TLK1: variants seen among roughly 807,000 people sequenced by gnomAD.
TLK1 encodes the protein tousled like kinase 1, also known as serine/threonine-protein kinase tousled-like 1.
A neutral mutation model predicts 105.3 loss-of-function variants in TLK1; 24 were observed. That is an observed-to-expected ratio of 0.23 (90% CI 0.17 to 0.32). The LOEUF is 0.32. Among genes scored for constraint, TLK1 ranks in the 10% least tolerant of loss-of-function variants. TLK1 has a pLI of 1.00. For synonymous variants in TLK1, 321 were observed against 310.4 expected (o/e 1.03, Z -0.36); for missense variants, 558 against 910.5 (o/e 0.61, Z 4.98).
chr2:171,023,001 T>C, intron 12 of TLK1: 1 of 466,884 alleles, frequency 2.1e-6, no homozygotes. Flanking sequence ...TCTTGACCTG[T>C]AAAGATTTCA....
chr2:171,063,305 C>A (rs1425504710), intron 3 of TLK1, among the ~76,000 whole-genome samples: 2 of 152,124 alleles, frequency 1.3e-5, no homozygotes, highest in Non-Finnish European at 1.5e-5. Context: ...AAGATCACAC[C>A]ACTGCACTCC....
rs1242607914 is a variant in TLK1, at chr2:171,203,488, CA to C, written c.-6+27656del. Among the ~76,000 whole-genome samples the C allele has an allele frequency of 2.6e-5, 4 of 152,282 alleles. No homozygotes were observed. In the South Asian group the frequency reaches 6.2e-4, roughly 24 times the overall value. ...GGCTTATGTAATGTATCATGTCCTT[CA>C]GATTCATCCGCATTGTAGAATATGT... On this transcript the variant is annotated intron_variant, in intron 1 of 20. Coordinates refer to the TLK1 transcript ENST00000521943.
At chr2:170,995,540 AC>A (rs1264071701) in intron 20 of TLK1, among the ~76,000 whole-genome samples, 1 of 152,122 alleles carries the variant, frequency 6.6e-6, no homozygotes, top group Admixed American at 6.5e-5. Context: ...TCAGTATTAA[AC>A]AAACAGATCA....
At chr2:171,167,994 C>A (rs1322039616) in intron 1 of TLK1, among the ~76,000 whole-genome samples, 1 of 151,762 alleles carries the variant, frequency 6.6e-6, no homozygotes, top group Non-Finnish European at 1.5e-5. Context: ...TCTAGTGTTA[C>A]ACTTTACTTA....
At chr2:171,189,737 G>A (rs149624145) in intron 1 of TLK1, among the ~76,000 whole-genome samples, 7 of 152,262 alleles carry the variant, frequency 4.6e-5, no homozygotes, top group Non-Finnish European at 1.0e-4. Context: ...TCAGCTGGGC[G>A]CCTTCCATCT....
chr2:171,089,284 T>TA (rs1337839429), intron 2 of TLK1, among the ~76,000 whole-genome samples: 1 of 152,246 alleles, frequency 6.6e-6, no homozygotes, highest in Non-Finnish European at 1.5e-5. Context: ...TCAACGTAGT[T>TA]ACATTTATCA....
intron 1 of TLK1, among the ~76,000 whole-genome samples, chr2:171,169,074 T>C (rs1692673212): frequency 6.6e-6 from 1 of 151,008 alleles, no homozygotes; most frequent in Non-Finnish European, 1.5e-5. Context: ...TGAGACCCTT[T>C]CTCAAAAAAA....
intron 3 of TLK1, among the ~76,000 whole-genome samples, chr2:171,069,802 G>C (rs1688171077): frequency 6.6e-6 from 1 of 152,176 alleles, no homozygotes; most frequent in Non-Finnish European, 1.5e-5. Context: ...GTGAATTCTA[G>C]GGTTACAACA....
chr2:171,090,835 ATATT>A (rs1044273595), intron 2 of TLK1, among the ~76,000 whole-genome samples: 1 of 152,226 alleles, frequency 6.6e-6, no homozygotes, highest in African/African-American at 2.4e-5. Flanking sequence ...AAAAAGAACA[ATATT>A]TAAACTAGCA....
At chr2:171,176,642 A>G (rs1692832928) in intron 1 of TLK1, among the ~76,000 whole-genome samples, 1 of 151,842 alleles carries the variant, frequency 6.6e-6, no homozygotes, top group Non-Finnish European at 1.5e-5. Context: ...CATGGCTACC[A>G]CTCTAGGCTA....
intron 11 of TLK1, among the ~76,000 whole-genome samples, chr2:171,043,487 G>A (rs1343488570): frequency 6.6e-6 from 1 of 152,110 alleles, no homozygotes; most frequent in Non-Finnish European, 1.5e-5. Flanking sequence ...TAGGGTTATA[G>A]GGAAGAGAAT....
chr2:171,193,828 T>A (rs1326715533), intron 1 of TLK1, among the ~76,000 whole-genome samples: 1 of 149,098 alleles, frequency 6.7e-6, no homozygotes, highest in African/African-American at 2.5e-5. Flanking sequence ...GCAATTCTCA[T>A]GCCTCAGCCT....
At chr2:171,212,083 T>A (rs1693627492) in intron 1 of TLK1, among the ~76,000 whole-genome samples, 1 of 149,382 alleles carries the variant, frequency 6.7e-6, no homozygotes, top group Non-Finnish European at 1.5e-5. Flanking sequence ...TGACTTCAGG[T>A]GATCCACCTA....
At chr2:171,034,642 G>A (rs1449375166) in intron 11 of TLK1, among the ~76,000 whole-genome samples, 1 of 152,154 alleles carries the variant, frequency 6.6e-6, no homozygotes, top group Non-Finnish European at 1.5e-5. Context: ...TAAGGAAACA[G>A]TTTTGAAACT....
chr2:171,219,418 A>C (rs1421040840), intron 1 of TLK1, among the ~76,000 whole-genome samples: 1 of 152,128 alleles, frequency 6.6e-6, no homozygotes, highest in East Asian at 1.9e-4. Flanking sequence ...AAAATACCAT[A>C]GGCTGGGTGG....
intron 12 of TLK1, among the ~76,000 whole-genome samples, chr2:171,027,387 T>A (rs987270758): frequency 1.3e-5 from 2 of 152,218 alleles, no homozygotes; most frequent in African/African-American, 4.8e-5. Context: ...TATTACTACT[T>A]CTCTGAAATC....
chr2:171,045,022 AT>A (rs2105420835), intron 11 of TLK1, among the ~76,000 whole-genome samples: 1 of 152,004 alleles, frequency 6.6e-6, no homozygotes, highest in African/African-American at 2.4e-5. Flanking sequence ...GACTAAAGGG[AT>A]TTGTAATTGA....
intron 1 of TLK1, among the ~76,000 whole-genome samples, chr2:171,119,428 T>C (rs1028246499): frequency 1.8e-4 from 28 of 152,204 alleles, no homozygotes; most frequent in Non-Finnish European, 7.3e-5. Context: ...CAGATCTCCT[T>C]TGGCTTCAAA....
At chr2:171,181,127 T>A (rs1323078657) in intron 1 of TLK1, among the ~76,000 whole-genome samples, 1 of 152,206 alleles carries the variant, frequency 6.6e-6, no homozygotes, top group Non-Finnish European at 1.5e-5. Flanking sequence ...AGAGAAACAG[T>A]AGCTGAAACA....
Sources: allele counts gnomAD v4.1 joint callset (sites outside exome capture counted in the v4.1 genomes callset), GRCh38; gene constraint gnomAD v4.1.1; transcripts MANE v1.5; gene names NCBI Gene and HGNC (gene_info 2026-07-23, HGNC 2026-07-21).